Variants in AJAP1 observed in about 807,000 individuals in gnomAD.
The protein encoded by AJAP1 is adherens junctions associated protein 1, also known as adherens junction-associated protein 1.
Under a neutral mutation model 35.0 loss-of-function variants are expected in AJAP1, and 5 were observed. That is an observed-to-expected ratio of 0.14 (90% CI 0.07 to 0.30). AJAP1 has a LOEUF of 0.30. AJAP1 is among the 10% of genes least tolerant of loss of function. The pLI, the probability that AJAP1 is intolerant of heterozygous loss-of-function variation, is 1.00. For missense variants in AJAP1, 586 were observed against 571.0 expected, an observed-to-expected ratio of 1.03 and a Z score of -0.27; for synonymous variants, 284 against 249.3, an observed-to-expected ratio of 1.14 and a Z score of -1.31.
chr1:4,759,147 A>G (rs985789407), intron 2 of AJAP1, among the ~76,000 whole-genome samples: 5 of 152,282 alleles, frequency 3.3e-5, no homozygotes, highest in Admixed American at 1.3e-4. Context: ...CTGGTGTCTG[A>G]GAATCCCTTG....
At chr1:4,679,461 T>C (rs978196632) in intron 1 of AJAP1, among the ~76,000 whole-genome samples, 4 of 152,192 alleles carry the variant, frequency 2.6e-5, no homozygotes, top group African/African-American at 9.7e-5. Flanking sequence ...ACCTGAGGAC[T>C]TCAGGCTGTC....
In AJAP1 at chr1:4,788,700, G is replaced by A. The variant is rs1457005282; in HGVS notation, c.*6215G>A. 1 of 152,266 alleles carries A rather than the reference G, an allele frequency of 6.6e-6. No individual in the cohort carries two copies. Among genetic ancestry groups the A allele is most frequent in the South Asian group, 2.1e-4 (1 of 4,826 alleles). 9.4% of individuals were successfully genotyped at this position (152,266 alleles called of 1,614,324 possible). On this transcript the variant is annotated 3_prime_UTR_variant, in exon 6 of 6. Transcript: ENST00000378191. ...TCCATCTTATTTCACTTTGGTTGCA[G>A]GGAGTTAAATACATAGGCCACAGCA...
chr1:4,693,734 C>A lies in AJAP1; in HGVS notation c.30-18166C>A, dbSNP rs527577802. ...CCAAGGTCAAGGGGCCCACGTCTCG[C>A]TGGGGCTTCTTGCTGTGTAATCCCG... is the stretch of plus-strand genomic sequence containing the variant. On this transcript the variant is annotated intron_variant, in intron 1 of 5. Coordinates refer to ENST00000378191, the MANE Select transcript of AJAP1 (RefSeq NM_018836.4). This position sits in a 1 kb window ranked among gnomAD's most constrained non-coding sequence, Gnocchi z 4.4. Among the ~76,000 whole-genome samples, 138 of 152,298 alleles carry A rather than the reference C, an allele frequency of 9.1e-4. No individual in the cohort carries two copies. The highest frequency in any genetic ancestry group is 3.1e-3 in the African/African-American group (128 of 41,568).
intron 1 of AJAP1, among the ~76,000 whole-genome samples, chr1:4,702,647 G>A (rs115892659): frequency 0.024 from 3,596 of 152,242 alleles, 129 homozygotes; most frequent in African/African-American, 0.081. Context: ...TGAGGCCAGC[G>A]GGTGAGTTGC....
rs1640559445 is a variant in AJAP1 at position 4,723,063 on chromosome 1, A to G, written c.829+10364A>G. 6.6e-6 allele frequency among the ~76,000 whole-genome samples: 1 copy of G among 152,176 alleles called. No individual in the cohort carries two copies. The highest frequency in any genetic ancestry group is 2.4e-5 in the African/African-American group (1 of 41,428). On this transcript the variant is annotated intron_variant, in intron 2 of 5. Transcript: ENST00000378191. This position sits in a 1 kb window ranked among gnomAD's most constrained non-coding sequence, Gnocchi z 4.3. ...AGGCAATGATACCAGATGGGACGTG[A>G]TAACTTGTAGAGAGGTGGGACGCGA...
Position 4,769,878 on chromosome 1 carries a change from C to T in AJAP1, c.855C>T (p.Thr285=). ...ASGLAVHQII[T]ITVSLIMVIA... The stretch of plus-strand genomic sequence containing the variant: ...GTCTGGCTGTCCATCAGATCATCAC[C>T]ATCACCGTCTCCCTCATCATGGTCA... The change falls in exon 3 of 6, where the codon ACC becomes ACT. Residue 285 remains threonine (T), a synonymous_variant. Coordinates refer to ENST00000378191, the MANE Select transcript of AJAP1 (RefSeq NM_018836.4). 1 of 1,614,074 alleles carries T rather than the reference C, an allele frequency of 6.2e-7. No homozygotes were observed. Among genetic ancestry groups the T allele is most frequent in the Non-Finnish European group, 8.5e-7 (1 of 1,179,976 alleles).
rs986655774 is a variant in AJAP1 at position 4,671,793 on chromosome 1, G to A, written c.29+16339G>A. ...AAGACTGAGCAAAATGGAATCCCTG[G>A]GTAACCAGAAAATGTAATTAATGGA... is the stretch of plus-strand genomic sequence containing the variant. On this transcript the variant is annotated intron_variant, in intron 1 of 5. Transcript: ENST00000378191. 2.6e-5 allele frequency among the ~76,000 whole-genome samples: 4 copies of A among 152,148 alleles called. No individual in the cohort carries two copies. The South Asian group carries it at 8.3e-4, about 32-fold the overall frequency.
chr1:4,707,543 C>T (rs958818584), intron 1 of AJAP1, among the ~76,000 whole-genome samples: 3 of 152,210 alleles, frequency 2.0e-5, no homozygotes, highest in Admixed American at 6.5e-5. Flanking sequence ...TCTTTCCCTG[C>T]TCAGGGTTTT....
chr1:4,753,123 C>T (rs1484308123), intron 2 of AJAP1, among the ~76,000 whole-genome samples: 1 of 152,228 alleles, frequency 6.6e-6, no homozygotes, highest in Non-Finnish European at 1.5e-5. Flanking sequence ...TGGAAGGGCC[C>T]TGTGCACTAA....
At chr1:4,738,768 A>T (rs183918375) in intron 2 of AJAP1, among the ~76,000 whole-genome samples, 3 of 152,126 alleles carry the variant, frequency 2.0e-5, no homozygotes, top group African/African-American at 7.2e-5. Flanking sequence ...TAGGGATTCC[A>T]CTCCAGGGGG....
rs1003061419 is a variant in AJAP1, at chr1:4,790,515, C to A, written c.*8030C>A. 7.2e-5 allele frequency: 11 copies of A among 152,334 alleles called. No homozygotes were observed. The highest frequency in any genetic ancestry group is 2.2e-4 in the African/African-American group (9 of 41,572). 9.4% of individuals were successfully genotyped at this position (152,334 alleles called of 1,614,324 possible). A position where few individuals can be genotyped will look rare whatever the true frequency, so the allele number is the denominator to read the frequency against. On this transcript the variant is annotated 3_prime_UTR_variant, in exon 6 of 6. Transcript: ENST00000378191. ...GCGGGGCAACTGGTTTTGAAAAGCCCGCTGGCGTGCCAGAGGGGGTGTTTG... is the reference window on the plus strand; with the variant it reads ...GCGGGGCAACTGGTTTTGAAAAGCCAGCTGGCGTGCCAGAGGGGGTGTTTG...
At chr1:4,756,661 G>T (rs145083791) in intron 2 of AJAP1, among the ~76,000 whole-genome samples, 1 of 152,182 alleles carries the variant, frequency 6.6e-6, no homozygotes, top group Non-Finnish European at 1.5e-5. Flanking sequence ...GGATTCAGAC[G>T]CTTAGGTTCT....
intron 2 of AJAP1, among the ~76,000 whole-genome samples, chr1:4,735,119 G>A (rs1175816682): frequency 6.6e-6 from 1 of 152,256 alleles, no homozygotes. Flanking sequence ...ACACCTGGGT[G>A]AGCTCCGCAC....
intron 5 of AJAP1, among the ~76,000 whole-genome samples, chr1:4,780,162 C>T (rs970485177): frequency 6.7e-6 from 1 of 148,334 alleles, no homozygotes; most frequent in Non-Finnish European, 1.5e-5. Context: ...AAAAAATTAC[C>T]ATGTAACCAT....
rs1326991668 is a variant in AJAP1, at chr1:4,686,737, C to T, written c.30-25163C>T. Among the ~76,000 whole-genome samples the T allele has an allele frequency of 3.9e-5, 6 of 152,216 alleles. No individual in the cohort carries two copies. In the South Asian group the frequency reaches 8.3e-4, roughly 21 times the overall value. On this transcript the variant is annotated intron_variant, in intron 1 of 5. Transcript: ENST00000378191. ...TGGAGCTCTTCTAGAAAGGCTTGCT[C>T]TTCCCGGCTGAGGTCAGGAGGCCAG...
rs1051217707 is a variant in AJAP1, at chr1:4,787,410, C to T, written c.*4925C>T. The T allele has an allele frequency of 3.5e-5, 10 of 289,606 alleles. No individual in the cohort carries two copies. The highest frequency in any genetic ancestry group is 5.0e-5 in the Admixed American group (1 of 19,832). 17.9% of individuals were successfully genotyped at this position (289,606 alleles called of 1,614,324 possible). On this transcript the variant is annotated 3_prime_UTR_variant, in exon 6 of 6. Coordinates refer to ENST00000378191, the MANE Select transcript of AJAP1 (RefSeq NM_018836.4). ...GGGTTGTCTACGTCTCCTCCTCCTG[C>T]GACCCATCACCTACTGGAAAATTAC...
intron 1 of AJAP1, among the ~76,000 whole-genome samples, chr1:4,676,096 T>C (rs901587553): frequency 1.3e-5 from 2 of 152,186 alleles, no homozygotes; most frequent in African/African-American, 4.8e-5. Context: ...TCCTGGTTCC[T>C]GGATGCTCCG....
Position 4,700,171 on chromosome 1 carries a change from G to A in AJAP1, c.30-11729G>A, listed in dbSNP as rs573601828. 3.9e-5 allele frequency among the ~76,000 whole-genome samples: 6 copies of A among 152,252 alleles called. No individual in the cohort carries two copies. In the East Asian group the frequency reaches 5.8e-4, roughly 15 times the overall value. Reference sequence around the variant, plus strand: ...CTCCTGATACACCTCCTTCTTTGCTGTTGAAGAGCCCTCATCACCGGGCCA... The same window carrying A: ...CTCCTGATACACCTCCTTCTTTGCTATTGAAGAGCCCTCATCACCGGGCCA... On this transcript the variant is annotated intron_variant, in intron 1 of 5. Transcript: ENST00000378191.
At chr1:4,755,441 A>G (rs1367488932) in intron 2 of AJAP1, among the ~76,000 whole-genome samples, 4 of 151,490 alleles carry the variant, frequency 2.6e-5, no homozygotes, top group Non-Finnish European at 5.9e-5. Flanking sequence ...GGCTCTGTTG[A>G]CACTGCCAGT....
Sources: gnomAD v4.1 joint callset for allele counts (sites outside exome capture counted in the v4.1 genomes callset) on GRCh38, gnomAD v4.1.1 for gene constraint, Gnocchi (gnomAD v3.1) non-coding constraint, MANE v1.5 for transcripts, NCBI Gene and HGNC (gene_info 2026-07-23, HGNC 2026-07-21) for gene names.